The following SLC35H1 variants were observed in gnomAD, a reference collection of about 807,000 sequenced individuals.
SLC35H1 encodes the protein ovarian cancer-overexpressed gene 1 protein.
chr20:46,360,971 G>A, the SLC35H1 span, among the ~76,000 whole-genome samples: 1 of 152,220 alleles, frequency 6.6e-6, no homozygotes, highest in Non-Finnish European at 1.5e-5. Flanking sequence ...CAGATCCAAT[G>A]AGTTGAGACT....
the SLC35H1 span, chr20:46,351,964 T>G: frequency 7.2e-7 from 1 of 1,390,100 alleles, no homozygotes; most frequent in Non-Finnish European, 9.9e-7. Flanking sequence ...GGCCCTGGGG[T>G]GCAGGAGCTG....
the SLC35H1 span, chr20:46,346,239 C>G: frequency 6.6e-6 from 1 of 152,070 alleles, no homozygotes; most frequent in Middle Eastern, 3.2e-3. Flanking sequence ...TAGTTGCCAA[C>G]GAAACTAAAT....
chr20:46,348,528 C>G, the SLC35H1 span: 1 of 152,226 alleles, frequency 6.6e-6, no homozygotes, highest in East Asian at 1.9e-4. Context: ...TCTGAGCTTG[C>G]GGAATCCAAG....
the SLC35H1 span, chr20:46,357,504 A>T: frequency 8.2e-7 from 1 of 1,225,314 alleles, no homozygotes; most frequent in Non-Finnish European, 1.1e-6. Context: ...GCAGAGGAGG[A>T]ACAGTGCAGG....
At chr20:46,361,451 G>A in the SLC35H1 span, among the ~76,000 whole-genome samples, 2 of 152,278 alleles carry the variant, frequency 1.3e-5, no homozygotes, top group South Asian at 4.1e-4. Context: ...TACTTCTCCT[G>A]CAACCACCAC....
the SLC35H1 span, chr20:46,349,310 T>C: frequency 2.6e-5 from 4 of 152,222 alleles, no homozygotes; most frequent in African/African-American, 4.8e-5. Context: ...CCTTCCTCAT[T>C]TGAGAGAGGC....
the SLC35H1 span, among the ~76,000 whole-genome samples, chr20:46,359,184 A>G: frequency 6.6e-6 from 1 of 152,200 alleles, no homozygotes; most frequent in Non-Finnish European, 1.5e-5. Flanking sequence ...AAGGAAATGA[A>G]CGAACACTGC....
At chr20:46,353,805 G>A in the SLC35H1 span, among the ~76,000 whole-genome samples, 1 of 152,002 alleles carries the variant, frequency 6.6e-6, no homozygotes, top group South Asian at 2.1e-4. Flanking sequence ...GAGGGAGAGT[G>A]TGGCGTTTGG....
At chr20:46,360,792 C>T in the SLC35H1 span, among the ~76,000 whole-genome samples, 9 of 152,312 alleles carry the variant, frequency 5.9e-5, no homozygotes, top group African/African-American at 1.2e-4. Flanking sequence ...TCAGGTGATC[C>T]GCCCGCCTTG....
chr20:46,357,868 C>A, the SLC35H1 span: 7 of 1,419,862 alleles, frequency 4.9e-6, no homozygotes, highest in African/African-American at 8.5e-5. Context: ...TGGAGTGGGG[C>A]TCATTCGGTG....
chr20:46,358,585 G>A, the SLC35H1 span: 114 of 1,606,068 alleles, frequency 7.1e-5, no homozygotes, highest in African/African-American at 1.1e-3. Flanking sequence ...AGGAAGAGCC[G>A]GTGGAGTTAG....
chr20:46,352,063 G>C, the SLC35H1 span: 1 of 1,614,126 alleles, frequency 6.2e-7, no homozygotes, highest in Admixed American at 1.7e-5. Flanking sequence ...TAAAAATGCC[G>C]GCAATGGAGA....
At chr20:46,351,709 C>T in the SLC35H1 span, among the ~76,000 whole-genome samples, 1 of 152,250 alleles carries the variant, frequency 6.6e-6, no homozygotes, top group Admixed American at 6.5e-5. Context: ...CAGGCCACTG[C>T]CCAGTGCCAG....
chr20:46,351,623 C>T, the SLC35H1 span, among the ~76,000 whole-genome samples: 1 of 152,252 alleles, frequency 6.6e-6, no homozygotes, highest in African/African-American at 2.4e-5. Flanking sequence ...CTGGCCATGG[C>T]CTTGGAGGAC....
At chr20:46,353,142 G>A in the SLC35H1 span, 1 of 152,198 alleles carries the variant, frequency 6.6e-6, no homozygotes. Flanking sequence ...CAGAGCTGTG[G>A]GACTTGGGCT....
chr20:46,355,251 T>C, the SLC35H1 span: 3 of 1,608,338 alleles, frequency 1.9e-6, no homozygotes, highest in South Asian at 1.1e-5. This position sits in a 1 kb window ranked among gnomAD's most constrained non-coding sequence, Gnocchi z 4.8. Context: ...GCTGGTAGGA[T>C]GGGGAGCAGT....
the SLC35H1 span, chr20:46,355,967 T>C: frequency 1.3e-4 from 206 of 1,572,880 alleles, no homozygotes; most frequent in African/African-American, 2.6e-3. This position sits in a 1 kb window ranked among gnomAD's most constrained non-coding sequence, Gnocchi z 4.8. Context: ...CTGAGCGAAA[T>C]GACCAAACAG....
At chr20:46,362,809 A>G in the SLC35H1 span, among the ~76,000 whole-genome samples, 1,976 of 152,218 alleles carry the variant, frequency 0.013, 57 homozygotes, top group African/African-American at 0.045. Context: ...ATGGAGTTTC[A>G]AGGCTGGAGT....
At chr20:46,359,449 T>G in the SLC35H1 span, among the ~76,000 whole-genome samples, 1 of 152,208 alleles carries the variant, frequency 6.6e-6, no homozygotes, top group Admixed American at 6.5e-5. Flanking sequence ...CTTTAAGTTC[T>G]CCGTCTGGTT....
Sources: allele counts gnomAD v4.1 joint callset (sites outside exome capture counted in the v4.1 genomes callset), GRCh38; gene constraint gnomAD v4.1.1; non-coding constraint Gnocchi (gnomAD v3.1); transcripts MANE v1.5; gene names NCBI Gene and HGNC (gene_info 2026-07-23, HGNC 2026-07-21).